The following DHX37 variants were observed in gnomAD, a reference collection of about 807,000 sequenced individuals.
The protein encoded by DHX37 is DEAH-box helicase 37.
DHX37 carries 52 observed loss-of-function variants against 134.3 expected under a neutral mutation model. That is an observed-to-expected ratio of 0.39 (90% CI 0.31 to 0.49). DHX37 has a LOEUF of 0.49. Among genes scored for constraint, DHX37 ranks in the 20% least tolerant of loss-of-function variants. DHX37 has a pLI of 0.93. For missense variants in DHX37, 1,344 were observed against 1,580.8 expected, an observed-to-expected ratio of 0.85 and a Z score of 2.54; for synonymous variants, 634 against 670.7, an observed-to-expected ratio of 0.95 and a Z score of 0.85.
intron 12 of DHX37, 123 bp downstream of exon 12, chr12:124,966,670 T>C: frequency 9.4e-7 from 1 of 1,065,024 alleles, no homozygotes; most frequent in Non-Finnish European, 1.4e-6. Flanking sequence ...GACCAGGAAC[T>C]GGATTTTTAA....
intron 13 of DHX37, 107 bp downstream of exon 13, chr12:124,965,561 G>C: frequency 6.9e-7 from 1 of 1,449,036 alleles, no homozygotes; most frequent in Non-Finnish European, 9.1e-7. Context: ...GAAGCATCGG[G>C]GACAAAGCTG....
At chr12:124,952,314 C>G in intron 21 of DHX37, 84 bp downstream of exon 21, 2 of 1,420,074 alleles carry the variant, frequency 1.4e-6, no homozygotes, top group Non-Finnish European at 1.9e-6. Flanking sequence ...GGGAACAAGC[C>G]TCCCCAGACC....
intron 14 of DHX37, 150 bp from the exon 15 acceptor site, chr12:124,964,776 G>A (rs1954342814): frequency 6.9e-7 from 1 of 1,449,378 alleles, no homozygotes; most frequent in Admixed American, 2.6e-5. Context: ...CTTGGGGGAG[G>A]GTTCCCTATT....
chr12:124,986,604 G>C (rs1412293953), intron 1 of DHX37, among the ~76,000 whole-genome samples: 1 of 151,836 alleles, frequency 6.6e-6, no homozygotes, highest in African/African-American at 2.4e-5. Flanking sequence ...CCAGCTATTT[G>C]GGAGGCTGAG....
intron 25 of DHX37, chr12:124,948,399 A>C (rs1245110549): frequency 1.3e-6 from 1 of 770,016 alleles, no homozygotes; most frequent in Non-Finnish European, 2.0e-6. Context: ...GCAGTGAACC[A>C]TGACTGCACC....
intron 20 of DHX37, 94 bp from the exon 21 acceptor site, chr12:124,952,664 C>T: frequency 7.6e-7 from 1 of 1,312,784 alleles, no homozygotes. Context: ...GCTCAGTGCT[C>T]TAGCCTCAGC....
At chr12:124,982,764 A>T in intron 2 of DHX37, 141 bp from the exon 3 acceptor site, 1 of 1,187,124 alleles carries the variant, frequency 8.4e-7, no homozygotes, top group Non-Finnish European at 1.2e-6. Context: ...CTACTGGTGC[A>T]TGGTGTTCTT....
intron 21 of DHX37, among the ~76,000 whole-genome samples, chr12:124,952,037 C>T (rs1953986051): frequency 6.6e-6 from 1 of 152,066 alleles, no homozygotes; most frequent in Non-Finnish European, 1.5e-5. Context: ...GTCCCAACTA[C>T]TCAGGAGGCT....
intron 12 of DHX37, among the ~76,000 whole-genome samples, chr12:124,966,246 T>C (rs34158402): frequency 0.32 from 48,263 of 152,090 alleles, 8,308 homozygotes; most frequent in East Asian, 0.64. Context: ...TTTTGTATTT[T>C]TAGTAGAGAC....
intron 3 of DHX37, 141 bp downstream of exon 3, chr12:124,982,370 T>C (rs947831887): frequency 8.7e-7 from 1 of 1,150,222 alleles, no homozygotes; most frequent in African/African-American, 1.6e-5. Flanking sequence ...GCATTTAGGA[T>C]GACAATGAAT....
chr12:124,961,210 GCACGCACGCA>G lies in DHX37; in HGVS notation c.2046-797_2046-788del, dbSNP rs1351856334. Among the ~76,000 whole-genome samples the G allele has an allele frequency of 1.4e-3, 105 of 76,842 alleles. 1 individual carries two copies. Among genetic ancestry groups the G allele is most frequent in the East Asian group, 0.013 (9 of 670 alleles). 50.4% of individuals were successfully genotyped at this position (76,842 alleles called of 152,430 possible). On this transcript the variant is annotated intron_variant, in intron 15 of 26. Coordinates refer to ENST00000308736, the MANE Select transcript of DHX37 (RefSeq NM_032656.4). The stretch of plus-strand genomic sequence containing the variant: ...CACGCACACACACACATACACGTGT[GCACGCACGCA>G]CACGCACGCACACACACATACACGC...
At chr12:124,978,981 C>G (rs989990563) in intron 4 of DHX37, among the ~76,000 whole-genome samples, 1 of 151,828 alleles carries the variant, frequency 6.6e-6, no homozygotes, top group African/African-American at 2.4e-5. Flanking sequence ...CCAAAGATGG[C>G]TATCACGTCA....
intron 15 of DHX37, 111 bp from the exon 16 acceptor site, chr12:124,960,534 A>C (rs906412436): frequency 2.5e-5 from 37 of 1,494,978 alleles, no homozygotes; most frequent in Admixed American, 4.4e-5. Flanking sequence ...CAGTCATGCC[A>C]CTGGGACTGG....
chr12:124,952,823 A>G (rs1172521969), intron 20 of DHX37: 2 of 324,246 alleles, frequency 6.2e-6, no homozygotes, highest in Non-Finnish European at 1.1e-5. Context: ...CTTCGAGGAG[A>G]CAGCCCTCCC....
In DHX37 at chr12:124,950,316, G is replaced by A. The variant is rs540261088; in HGVS notation, c.3122-73C>T. 199 of 1,605,744 alleles carry A rather than the reference G, an allele frequency of 1.2e-4. No individual in the cohort carries two copies. The African/African-American group carries it at 2.3e-3, about 18-fold the overall frequency. On this transcript the variant is annotated intron_variant, in intron 23 of 26. Coordinates refer to ENST00000308736, the MANE Select transcript of DHX37 (RefSeq NM_032656.4). ...CCCGAGTCCCATCCCTGCCCCACCCGAGACACACACGTCCGGGGGCAGGGG... is the reference window on the plus strand; with the variant it reads ...CCCGAGTCCCATCCCTGCCCCACCCAAGACACACACGTCCGGGGGCAGGGG...
intron 15 of DHX37, among the ~76,000 whole-genome samples, chr12:124,962,191 G>A (rs945381271): frequency 6.6e-6 from 1 of 152,032 alleles, no homozygotes; most frequent in South Asian, 2.1e-4. Flanking sequence ...CTGAGCAACA[G>A]AGTGAGACTT....
rs776513458 is a variant in DHX37 at position 124,947,842 on chromosome 12, G to A, written c.3434C>T (p.Pro1145Leu). The change falls in exon 27 of 27, where the codon CCC becomes CTC. Residue 1145 changes from proline (P) to leucine (L), a missense_variant. Physicochemically the swap from Pro to Leu is moderately conservative, Grantham distance 98. This residue lies in a region of DHX37 where 558 missense variants were observed against 650.0 expected (regional missense o/e 0.86). Coordinates refer to ENST00000308736, the MANE Select transcript of DHX37 (RefSeq NM_032656.4). ...GGGGGGCCAGGCTTTCTCGATATCG[G>A]GGTGCATGGCCTGTGGAAGCCACTC... The part of the protein sequence containing the change: ...YCEWLPQAMH[P>L]DIEKAWPPTT... 1.2e-6 allele frequency: 2 copies of A among 1,605,724 alleles called. No individual in the cohort carries two copies. Among genetic ancestry groups the A allele is most frequent in the South Asian group, 2.2e-5 (2 of 89,828 alleles).
intron 15 of DHX37, among the ~76,000 whole-genome samples, chr12:124,961,718 C>T (rs1291825840): frequency 5.9e-5 from 9 of 152,100 alleles, no homozygotes; most frequent in Non-Finnish European, 4.4e-5. Flanking sequence ...TGAGCCATGG[C>T]GCCTGGCCTA....
chr12:124,967,238 C>T lies in DHX37; in HGVS notation c.1409-20G>A. ...TGCCACCTGTGGAAAGAATGGGCCC[C>T]TCTGTTATCCATCAGTCACTCACAA... On this transcript the variant is annotated intron_variant, in intron 10 of 26. Coordinates refer to ENST00000308736, the MANE Select transcript of DHX37 (RefSeq NM_032656.4). The T allele has an allele frequency of 1.2e-6, 2 of 1,611,210 alleles. No homozygotes were observed. The highest frequency in any genetic ancestry group is 1.7e-6 in the Non-Finnish European group (2 of 1,179,058).
Sources: allele counts gnomAD v4.1 joint callset (sites outside exome capture counted in the v4.1 genomes callset), GRCh38; gene constraint gnomAD v4.1.1; regional missense constraint gnomAD v4.1.1; transcripts MANE v1.5; gene names NCBI Gene and HGNC (gene_info 2026-07-23, HGNC 2026-07-21).